The following FAM162A variants were observed in gnomAD, a reference collection of about 807,000 sequenced individuals.
FAM162A encodes the protein family with sequence similarity 162 member A.
A neutral mutation model predicts 21.8 loss-of-function variants in FAM162A; 23 were observed. The ratio of observed to expected loss-of-function variants is 1.05; its 90% CI spans 0.76 to 1.49. The LOEUF (loss-of-function observed/expected upper bound fraction) is 1.49. Ranked by LOEUF, FAM162A falls within the 40% of genes most tolerant of loss-of-function variation. The probability of loss-of-function intolerance (pLI) is 0.00; values close to 1 mark genes in which losing one functional copy is unlikely to be tolerated. For missense variants in FAM162A, 165 were observed against 186.4 expected, an observed-to-expected ratio of 0.89 and a Z score of 0.67; for synonymous variants, 53 against 61.3, an observed-to-expected ratio of 0.86 and a Z score of 0.64.
At chr3:122,401,520 G>A in intron 1 of FAM162A, 1 of 1,270,944 alleles carries the variant, frequency 7.9e-7, no homozygotes, top group Non-Finnish European at 1.0e-6. Flanking sequence ...AGAACTGTTT[G>A]CCAGTGCAAT....
intron 1 of FAM162A, among the ~76,000 whole-genome samples, chr3:122,394,085 A>G (rs2075616290): frequency 6.6e-6 from 1 of 152,174 alleles, no homozygotes; most frequent in South Asian, 2.1e-4. Context: ...CTGGCATGTC[A>G]CATGTCCAGA....
At chr3:122,408,911 A>G (rs192777624) in intron 4 of FAM162A, among the ~76,000 whole-genome samples, 62 of 152,314 alleles carry the variant, frequency 4.1e-4, no homozygotes, top group Non-Finnish European at 5.1e-4. Context: ...CTGTTTCCAT[A>G]AATACTACTG....
chr3:122,400,850 G>A (rs1239937130), intron 1 of FAM162A, among the ~76,000 whole-genome samples: 3 of 151,922 alleles, frequency 2.0e-5, no homozygotes, highest in South Asian at 2.1e-4. Flanking sequence ...AAAAGACTGA[G>A]AATATCGTTA....
intron 1 of FAM162A, among the ~76,000 whole-genome samples, chr3:122,386,556 TAA>T (rs1185441822): frequency 4.0e-4 from 42 of 105,898 alleles, no homozygotes; most frequent in East Asian, 1.2e-3. Flanking sequence ...AGACCCTGTC[TAA>T]AAAAAAAAAA....
intron 2 of FAM162A, among the ~76,000 whole-genome samples, chr3:122,403,600 C>G (rs2075662280): frequency 1.3e-5 from 2 of 152,190 alleles, no homozygotes; most frequent in Non-Finnish European, 2.9e-5. Context: ...GTCAGCAAAT[C>G]TTTAAGTAGT....
In FAM162A at chr3:122,384,366, G is replaced by A; in HGVS notation, c.34+67G>A. The A allele has an allele frequency of 5.2e-6, 8 of 1,535,312 alleles. No homozygotes were observed. In the South Asian group the frequency reaches 9.5e-5, roughly 18 times the overall value. ...CGGCCGCTGCGGGTGGGGGAATCCTGAAGCCTTCCTGGGCCCCGGAGTGGC... is the reference window on the plus strand; with the variant it reads ...CGGCCGCTGCGGGTGGGGGAATCCTAAAGCCTTCCTGGGCCCCGGAGTGGC... On this transcript the variant is annotated intron_variant, in intron 1 of 4. Transcript: ENST00000477892.
intron 1 of FAM162A, among the ~76,000 whole-genome samples, chr3:122,401,098 C>T (rs2075651443): frequency 6.6e-6 from 1 of 151,730 alleles, no homozygotes; most frequent in African/African-American, 2.4e-5. Flanking sequence ...TGTAATGCTG[C>T]TTTGCTTATT....
At chr3:122,397,702 G>A (rs186519135) in intron 1 of FAM162A, among the ~76,000 whole-genome samples, 39 of 152,218 alleles carry the variant, frequency 2.6e-4, no homozygotes, top group African/African-American at 9.1e-4. Flanking sequence ...GGTTGTCTCT[G>A]CTTCTGATTT....
intron 1 of FAM162A, among the ~76,000 whole-genome samples, chr3:122,386,556 T>TAAAA (rs1185441822): frequency 9.4e-6 from 1 of 105,924 alleles, no homozygotes. Flanking sequence ...AGACCCTGTC[T>TAAAA]AAAAAAAAAA....
At chr3:122,408,849 T>A (rs2075690362) in intron 4 of FAM162A, among the ~76,000 whole-genome samples, 1 of 152,230 alleles carries the variant, frequency 6.6e-6, no homozygotes, top group African/African-American at 2.4e-5. Context: ...TTTAGAGAGT[T>A]CTTCTCCTGT....
At chr3:122,395,630 C>T (rs1467552205) in intron 1 of FAM162A, among the ~76,000 whole-genome samples, 3 of 152,136 alleles carry the variant, frequency 2.0e-5, no homozygotes, top group African/African-American at 7.2e-5. Flanking sequence ...TCTATGGATT[C>T]AACACAATCC....
chr3:122,397,659 C>G (rs2075635147), intron 1 of FAM162A, among the ~76,000 whole-genome samples: 1 of 152,196 alleles, frequency 6.6e-6, no homozygotes. Context: ...CAGAATTACT[C>G]TCCTTTTCTC....
intron 1 of FAM162A, among the ~76,000 whole-genome samples, chr3:122,395,237 T>C (rs2075621945): frequency 6.6e-6 from 1 of 152,152 alleles, no homozygotes; most frequent in African/African-American, 2.4e-5. Flanking sequence ...GACATTTCTG[T>C]TCAACACTGT....
chr3:122,410,242 T>C lies in FAM162A; in HGVS notation c.*411T>C, dbSNP rs1421484968. 1 of 303,846 alleles carries C rather than the reference T, an allele frequency of 3.3e-6. No individual in the cohort carries two copies. Among genetic ancestry groups the C allele is most frequent in the Non-Finnish European group, 6.4e-6 (1 of 156,412 alleles). 18.8% of individuals were successfully genotyped at this position (303,846 alleles called of 1,614,324 possible). ...GGGCCAGCCTTCTCAAATGTCCTGG[T>C]GTACTGGTGGGGAGGCTGCCCCCTA... On this transcript the variant is annotated 3_prime_UTR_variant, in exon 5 of 5. Transcript: ENST00000477892.
rs2075681300 is a variant in FAM162A at position 122,407,353 on chromosome 3, G to A, written c.336G>A (p.Val112=). 6.2e-7 allele frequency: 1 copy of A among 1,613,888 alleles called. No individual in the cohort carries two copies. The highest frequency in any genetic ancestry group is 8.5e-7 in the Non-Finnish European group (1 of 1,179,980). The change falls in exon 4 of 5, where the codon GTG becomes GTA. Residue 112 remains valine (V), a synonymous_variant. Transcript: ENST00000477892. The stretch of plus-strand genomic sequence containing the variant: ...GCTATCTAATGATTGCCCTGACGGT[G>A]GTAGGATGCATCTTCATGGTTATTG... ...KISYLMIALT[V]VGCIFMVIEG... is the part of the protein sequence containing the mutation.
chr3:122,389,374 TATAGATGGATAGATAG>T (rs1559998741), intron 1 of FAM162A, among the ~76,000 whole-genome samples: 3 of 132,578 alleles, frequency 2.3e-5, no homozygotes, highest in African/African-American at 8.6e-5. Context: ...TGGAAAGTAG[TATAGATGGATAGATAG>T]ATAGATAGAT....
At chr3:122,398,515 A>G (rs1011913551) in intron 1 of FAM162A, among the ~76,000 whole-genome samples, 4 of 152,262 alleles carry the variant, frequency 2.6e-5, no homozygotes, top group Admixed American at 6.5e-5. Context: ...TACAAGGAAT[A>G]GAGGAGTTTG....
intron 3 of FAM162A, among the ~76,000 whole-genome samples, chr3:122,404,838 G>A (rs1368072376): frequency 6.6e-6 from 1 of 152,162 alleles, no homozygotes; most frequent in Non-Finnish European, 1.5e-5. Flanking sequence ...TGGGATCATG[G>A]AACTTTTTCA....
rs1576244241 is a variant in FAM162A at position 122,384,201 on chromosome 3, T to G, written c.-65T>G. On this transcript the variant is annotated 5_prime_UTR_variant, in exon 1 of 5. Transcript: ENST00000477892. ...CTTCCCACTCCAACGCTGGGTGACA[T>G]TGAGCTCACCAGCGCCACCGTCCCC... is the stretch of plus-strand genomic sequence containing the variant. The G allele has an allele frequency of 6.5e-7, 1 of 1,546,148 alleles. No individual in the cohort carries two copies. Among genetic ancestry groups the G allele is most frequent in the East Asian group, 2.4e-5 (1 of 40,974 alleles).
Sources: allele counts gnomAD v4.1 joint callset (sites outside exome capture counted in the v4.1 genomes callset), GRCh38; gene constraint gnomAD v4.1.1; transcripts MANE v1.5; gene names NCBI Gene and HGNC (gene_info 2026-07-23, HGNC 2026-07-21).